Variants in TENM2 observed in about 807,000 individuals in gnomAD.
TENM2 encodes teneurin-2.
In TENM2, 52 loss-of-function variants were observed where a neutral mutation model predicts 245.2. That is an observed-to-expected ratio of 0.21 (90% CI 0.17 to 0.27). The LOEUF (loss-of-function observed/expected upper bound fraction) is 0.27. TENM2 is among the 10% of genes least tolerant of loss of function. The pLI, the probability that TENM2 is intolerant of heterozygous loss-of-function variation, is 1.00. For synonymous variants in TENM2, 1,363 were observed against 1,438.9 expected, an observed-to-expected ratio of 0.95 and a Z score of 1.19; for missense variants, 3,046 against 3,666.8, an observed-to-expected ratio of 0.83 and a Z score of 4.37.
intron 1 of TENM2, among the ~76,000 whole-genome samples, chr5:167,327,611 C>A (rs375307300): frequency 2.6e-5 from 4 of 152,020 alleles, no homozygotes; most frequent in Non-Finnish European, 5.9e-5. Context: ...AAAACCTCCC[C>A]GAGGATTTAC....
intron 2 of TENM2, among the ~76,000 whole-genome samples, chr5:167,407,533 A>C (rs1287918853): frequency 1.3e-5 from 2 of 152,128 alleles, no homozygotes; most frequent in East Asian, 3.9e-4. Context: ...TAGAAAAAAA[A>C]ATGGCCAGAT....
chr5:167,729,480 C>T (rs890041454), intron 2 of TENM2, among the ~76,000 whole-genome samples: 4 of 152,044 alleles, frequency 2.6e-5, no homozygotes, highest in African/African-American at 4.8e-5. Flanking sequence ...CAAGTTAAAC[C>T]TTGCAAAATG....
At chr5:168,003,140 TA>T (rs1784534383) in intron 5 of TENM2, among the ~76,000 whole-genome samples, 1 of 152,174 alleles carries the variant, frequency 6.6e-6, no homozygotes, top group Admixed American at 6.5e-5. Context: ...CTGATTGGTA[TA>T]AATCAATGAT....
rs911561923 is a variant in TENM2 at position 168,142,141 on chromosome 5, T to C, written c.2422+15175T>C. Among the ~76,000 whole-genome samples, 3 of 152,242 alleles carry C rather than the reference T, an allele frequency of 2.0e-5. No individual in the cohort carries two copies. In the East Asian group the frequency reaches 5.8e-4, roughly 29 times the overall value. ...CTAGCCATCAGGTGAAATTAACTCC[T>C]GACTAAACTAAATTAAAAGGTGAAA... On this transcript the variant is annotated intron_variant, in intron 12 of 28. Transcript: ENST00000518659.
At chr5:168,156,770 T>C (rs1418683162) in intron 12 of TENM2, among the ~76,000 whole-genome samples, 3 of 152,118 alleles carry the variant, frequency 2.0e-5, no homozygotes, top group Non-Finnish European at 4.4e-5. Flanking sequence ...ACTCTCTCAT[T>C]TCCACTCTGC....
chr5:167,187,891 A>G, the TENM2 span, among the ~76,000 whole-genome samples: 1 of 150,624 alleles, frequency 6.6e-6, no homozygotes, highest in Non-Finnish European at 1.5e-5. Context: ...TGACTAAAAC[A>G]CCCCGAGCCA....
intron 4 of TENM2, among the ~76,000 whole-genome samples, chr5:167,958,261 T>C (rs1780715540): frequency 6.6e-6 from 1 of 152,218 alleles, no homozygotes; most frequent in Non-Finnish European, 1.5e-5. Flanking sequence ...CTTTGTTGGT[T>C]TAAAGTCTGT....
At chr5:167,385,355 A>C (rs1050341228) in intron 2 of TENM2, among the ~76,000 whole-genome samples, 3 of 150,754 alleles carry the variant, frequency 2.0e-5, no homozygotes, top group Non-Finnish European at 4.4e-5. Context: ...TTTTTTAATC[A>C]GACTTGAAAG....
intron 3 of TENM2, among the ~76,000 whole-genome samples, chr5:167,895,576 A>G (rs1223057351): frequency 6.6e-6 from 1 of 152,242 alleles, no homozygotes; most frequent in Non-Finnish European, 1.5e-5. Flanking sequence ...CTTCTAATTA[A>G]TTAAAACAGA....
intron 12 of TENM2, among the ~76,000 whole-genome samples, chr5:168,158,040 A>G (rs1001165472): frequency 6.6e-6 from 1 of 152,124 alleles, no homozygotes. Flanking sequence ...CTTCAGCCTC[A>G]GCCTCCTGAG....
the TENM2 span, among the ~76,000 whole-genome samples, chr5:167,258,141 A>G: frequency 6.6e-6 from 1 of 150,838 alleles, no homozygotes; most frequent in Non-Finnish European, 1.5e-5. Flanking sequence ...GTCTTTTCCC[A>G]ATCATAATTT....
At chr5:167,173,781 G>T in the TENM2 span, among the ~76,000 whole-genome samples, 1 of 151,726 alleles carries the variant, frequency 6.6e-6, no homozygotes, top group Non-Finnish European at 1.5e-5. Flanking sequence ...GATAAATAGT[G>T]CCCTAGGTAA....
intron 27 of TENM2, among the ~76,000 whole-genome samples, chr5:168,251,437 G>A (rs748708979): frequency 2.6e-5 from 4 of 152,164 alleles, no homozygotes; most frequent in Admixed American, 6.5e-5. Flanking sequence ...AACCATTAGA[G>A]AGTCTAAAAT....
intron 7 of TENM2, among the ~76,000 whole-genome samples, chr5:168,070,879 G>C (rs1437813598): frequency 6.1e-5 from 9 of 148,692 alleles, no homozygotes; most frequent in Non-Finnish European, 1.2e-4. Flanking sequence ...AGGGAAGAAA[G>C]AAAGGAAGAA....
At chr5:167,742,806 G>C (rs1028901776) in intron 2 of TENM2, among the ~76,000 whole-genome samples, 1 of 151,288 alleles carries the variant, frequency 6.6e-6, no homozygotes, top group Non-Finnish European at 1.5e-5. Context: ...AAGAAAGAAA[G>C]AAAGACAGAA....
At chr5:167,069,915 C>A in the TENM2 span, among the ~76,000 whole-genome samples, 5 of 152,024 alleles carry the variant, frequency 3.3e-5, no homozygotes, top group African/African-American at 1.2e-4. Context: ...TTGCCTAGTT[C>A]TGTCATTTAA....
At chr5:167,986,825 G>A (rs1783283813) in intron 4 of TENM2, among the ~76,000 whole-genome samples, 1 of 152,090 alleles carries the variant, frequency 6.6e-6, no homozygotes, top group Non-Finnish European at 1.5e-5. Context: ...GCCGGTTCAG[G>A]GAAAAATCAG....
intron 2 of TENM2, among the ~76,000 whole-genome samples, chr5:167,762,810 G>A (rs1266274705): frequency 6.6e-6 from 1 of 152,168 alleles, no homozygotes; most frequent in Admixed American, 6.5e-5. Flanking sequence ...AGGCAATCAG[G>A]ATTCCTCCTG....
At chr5:167,237,904 A>G in the TENM2 span, among the ~76,000 whole-genome samples, 1 of 150,558 alleles carries the variant, frequency 6.6e-6, no homozygotes, top group Non-Finnish European at 1.5e-5. Flanking sequence ...CCAGCTACTC[A>G]GGAGGCTGAG....
Sources: allele counts gnomAD v4.1 joint callset (sites outside exome capture counted in the v4.1 genomes callset), GRCh38; gene constraint gnomAD v4.1.1; transcripts MANE v1.5; gene names NCBI Gene and HGNC (gene_info 2026-07-23, HGNC 2026-07-21).